CHODL: variants seen among roughly 807,000 people sequenced by gnomAD.
The protein encoded by CHODL is transmembrane protein MT75.
In CHODL, 29 loss-of-function variants were observed where a neutral mutation model predicts 34.5. The ratio of observed to expected loss-of-function variants is 0.84; its 90% CI spans 0.63 to 1.15. CHODL has a LOEUF of 1.15. CHODL is among the 50% of genes most tolerant of loss of function. The pLI is 0.00. For synonymous variants in CHODL, 125 were observed against 116.1 expected (o/e 1.08, Z -0.49); for missense variants, 332 against 332.5 (o/e 1.00, Z 0.01).
At chr21:18,034,596 G>A (rs940503814) in intron 2 of CHODL, 3 of 152,028 alleles carry the variant, frequency 2.0e-5, no homozygotes, top group Non-Finnish European at 4.4e-5. Flanking sequence ...TTGTATTAGC[G>A]TGGAGGGTCT....
intron 1 of CHODL, among the ~76,000 whole-genome samples, chr21:18,253,259 G>T (rs9977485): frequency 3.2e-4 from 48 of 151,880 alleles, no homozygotes; most frequent in African/African-American, 1.0e-3. Flanking sequence ...AATGTTTGGG[G>T]CTTTGTTACA....
intron 1 of CHODL, among the ~76,000 whole-genome samples, chr21:18,252,211 T>G (rs192221370): frequency 3.2e-4 from 49 of 152,272 alleles, no homozygotes; most frequent in Admixed American, 1.2e-3. Flanking sequence ...TTCGACGGCA[T>G]AAATGTAAGC....
intron 2 of CHODL, among the ~76,000 whole-genome samples, chr21:18,086,303 C>T (rs930075793): frequency 6.6e-6 from 1 of 151,908 alleles, no homozygotes; most frequent in Non-Finnish European, 1.5e-5. Context: ...TCTCTTGCAT[C>T]TGATTGAGCT....
At chr21:18,044,099 G>T (rs540814271) in intron 2 of CHODL, among the ~76,000 whole-genome samples, 7 of 151,920 alleles carry the variant, frequency 4.6e-5, no homozygotes, top group Non-Finnish European at 1.0e-4. Flanking sequence ...CAGTCCTTTT[G>T]AATTCTTCAG....
At chr21:17,961,566 C>G (rs1295789496) in intron 1 of CHODL, among the ~76,000 whole-genome samples, 1 of 152,152 alleles carries the variant, frequency 6.6e-6, no homozygotes, top group Non-Finnish European at 1.5e-5. Flanking sequence ...ATTTAACTTA[C>G]CTATCCCCAG....
At chr21:18,257,836 G>A (rs1023464193) in intron 3 of CHODL, among the ~76,000 whole-genome samples, 5 of 152,084 alleles carry the variant, frequency 3.3e-5, no homozygotes, top group Non-Finnish European at 5.9e-5. Context: ...TAACTAGGAC[G>A]GATCGTCTGA....
chr21:18,265,830 A>AAAT, intron 5 of CHODL, 124 bp from the exon 6 acceptor site: 1 of 664,368 alleles, frequency 1.5e-6, no homozygotes, highest in Non-Finnish European at 2.4e-6. Context: ...AAGAATGGGA[A>AAAT]AATATACTGC....
intron 2 of CHODL, among the ~76,000 whole-genome samples, chr21:18,042,672 T>C (rs1001817689): frequency 3.9e-5 from 6 of 152,016 alleles, no homozygotes; most frequent in Admixed American, 1.3e-4. Context: ...TGCTTCATTT[T>C]ATGTTTCTCA....
At chr21:18,078,161 AAGACTGGGTAATG>A (rs1201274112) in intron 2 of CHODL, among the ~76,000 whole-genome samples, 1 of 152,188 alleles carries the variant, frequency 6.6e-6, no homozygotes, top group African/African-American at 2.4e-5. Context: ...AGACATACCC[AAGACTGGGTAATG>A]AGACTGGGTA....
intron 2 of CHODL, among the ~76,000 whole-genome samples, chr21:18,215,959 A>G (rs2073823685): frequency 6.6e-6 from 1 of 152,114 alleles, no homozygotes; most frequent in Non-Finnish European, 1.5e-5. Context: ...GGTTTTTAAT[A>G]TTGTTTAGCT....
chr21:18,136,130 A>AAG (rs2072724886), intron 2 of CHODL, among the ~76,000 whole-genome samples: 1 of 151,138 alleles, frequency 6.6e-6, no homozygotes, highest in Non-Finnish European at 1.5e-5. Flanking sequence ...AAAAAGAAAA[A>AAG]AAAGAAAAAA....
intron 1 of CHODL, among the ~76,000 whole-genome samples, chr21:17,943,989 T>A (rs1484247787): frequency 6.6e-6 from 1 of 152,116 alleles, no homozygotes; most frequent in Non-Finnish European, 1.5e-5. Flanking sequence ...ACTGAAGCAC[T>A]CAGAGATATC....
intron 2 of CHODL, among the ~76,000 whole-genome samples, chr21:18,055,675 G>A (rs2064570576): frequency 6.6e-6 from 1 of 152,052 alleles, no homozygotes; most frequent in African/African-American, 2.4e-5. Context: ...GTCAGAGAGA[G>A]TGGGGCATTG....
At chr21:18,066,561 A>G (rs1217679624) in intron 2 of CHODL, among the ~76,000 whole-genome samples, 2 of 152,170 alleles carry the variant, frequency 1.3e-5, no homozygotes, top group African/African-American at 4.8e-5. Flanking sequence ...AGAAAAGGAA[A>G]CAAATCACTG....
intron 2 of CHODL, among the ~76,000 whole-genome samples, chr21:18,239,748 A>G (rs1401294876): frequency 6.6e-6 from 1 of 151,864 alleles, no homozygotes; most frequent in African/African-American, 2.4e-5. Flanking sequence ...TTGGCCCTCA[A>G]TTTTATTTTG....
At chr21:18,261,429 G>T (rs1333116043) in intron 4 of CHODL, among the ~76,000 whole-genome samples, 1 of 152,078 alleles carries the variant, frequency 6.6e-6, no homozygotes, top group Non-Finnish European at 1.5e-5. Flanking sequence ...ACTTTGGGAG[G>T]CTGAGGCAGG....
intron 2 of CHODL, among the ~76,000 whole-genome samples, chr21:18,085,471 C>A (rs1189326904): frequency 6.6e-6 from 1 of 151,978 alleles, no homozygotes; most frequent in Non-Finnish European, 1.5e-5. Flanking sequence ...TTTATATTTT[C>A]ATGTGTTTTT....
At chr21:18,248,916 CAT>C (rs1343001864) in intron 1 of CHODL, among the ~76,000 whole-genome samples, 12 of 109,704 alleles carry the variant, frequency 1.1e-4, no homozygotes, top group African/African-American at 4.0e-4. Context: ...ATGTATAATA[CAT>C]ATATATGTAT....
intron 2 of CHODL, among the ~76,000 whole-genome samples, chr21:18,192,556 A>G (rs1417029233): frequency 6.6e-6 from 1 of 152,170 alleles, no homozygotes; most frequent in Non-Finnish European, 1.5e-5. Flanking sequence ...AAAAGTCACA[A>G]CATCAACACA....
Sources: gnomAD v4.1 joint callset for allele counts (sites outside exome capture counted in the v4.1 genomes callset) on GRCh38, gnomAD v4.1.1 for gene constraint, MANE v1.5 for transcripts, NCBI Gene and HGNC (gene_info 2026-07-23, HGNC 2026-07-21) for gene names.